GOLGA1: variants seen among roughly 807,000 people sequenced by gnomAD.
GOLGA1 encodes golgin subfamily A member 1.
A neutral mutation model predicts 119.7 loss-of-function variants in GOLGA1; 63 were observed. That is an observed-to-expected ratio of 0.53 (90% CI 0.43 to 0.65). The LOEUF (loss-of-function observed/expected upper bound fraction) is 0.65. GOLGA1 is among the 30% of genes least tolerant of loss of function. GOLGA1 has a pLI of 0.00. For missense variants in GOLGA1, 798 were observed against 912.8 expected (o/e 0.87, Z 1.62); for synonymous variants, 318 against 333.4 (o/e 0.95, Z 0.50).
In GOLGA1 at chr9:124,890,421, C is replaced by T. The variant is rs765213836; in HGVS notation, c.1465G>A (p.Val489Met). The change falls in exon 16 of 23, where the codon GTG becomes ATG. Residue 489 changes from valine to methionine, a missense_variant. Transcript: ENST00000373555. ...TGGAACTCTTCCCTTTGCTTCCGCA[C>T]CTCCTCCAGGGCTTGAGCCATGGCC... ...SVAMAQALEE[V>M]RKQREEFQQQ... 3.7e-6 allele frequency: 6 copies of T among 1,613,664 alleles called. No homozygotes were observed. The African/African-American group carries it at 5.3e-5, about 14-fold the overall frequency.
chr9:124,902,708 C>T (rs1830136436), intron 12 of GOLGA1, among the ~76,000 whole-genome samples: 1 of 151,976 alleles, frequency 6.6e-6, no homozygotes, highest in Non-Finnish European at 1.5e-5. Flanking sequence ...CCAGGATGGT[C>T]TCGATCTCCT....
intron 20 of GOLGA1, 24 bp downstream of exon 20, chr9:124,882,486 G>GC: frequency 6.3e-7 from 1 of 1,585,102 alleles, no homozygotes; most frequent in Non-Finnish European, 8.7e-7. Context: ...GGGAAGTGGG[G>GC]CCAGCTCCCA....
intron 4 of GOLGA1, among the ~76,000 whole-genome samples, chr9:124,929,981 TA>T (rs1830744204): frequency 6.6e-6 from 1 of 152,182 alleles, no homozygotes; most frequent in Non-Finnish European, 1.5e-5. Flanking sequence ...CTTCATATAT[TA>T]AATGATGATA....
chr9:124,887,338 CAG>C (rs1491413704), intron 19 of GOLGA1: 1 of 151,584 alleles, frequency 6.6e-6, no homozygotes, highest in African/African-American at 2.5e-5. Context: ...GAGTGACTGA[CAG>C]GGCTGGGAGG....
intron 15 of GOLGA1, among the ~76,000 whole-genome samples, chr9:124,897,722 A>G (rs983420051): frequency 6.6e-5 from 10 of 152,232 alleles, no homozygotes; most frequent in Non-Finnish European, 1.3e-4. Flanking sequence ...AATGCATGAA[A>G]AAAAAATCTG....
chr9:124,907,832 G>A (rs1830263825), intron 12 of GOLGA1, among the ~76,000 whole-genome samples: 1 of 152,200 alleles, frequency 6.6e-6, no homozygotes, highest in South Asian at 2.1e-4. Flanking sequence ...GGCATATATA[G>A]GAACGCTCAT....
intron 10 of GOLGA1, among the ~76,000 whole-genome samples, chr9:124,914,506 A>G (rs1830402780): frequency 1.3e-5 from 2 of 152,118 alleles, no homozygotes; most frequent in African/African-American, 4.8e-5. Flanking sequence ...TCTCAAAGAA[A>G]AAAAAAAAGG....
rs1240365740 is a variant in GOLGA1 at position 124,921,688 on chromosome 9, C to A, written c.731+35G>T. The A allele has an allele frequency of 3.2e-6, 5 of 1,550,402 alleles. No homozygotes were observed. The Admixed American group carries it at 7.3e-5, about 23-fold the overall frequency. On this transcript the variant is annotated intron_variant, in intron 9 of 22. Coordinates refer to ENST00000373555, the MANE Select transcript of GOLGA1 (RefSeq NM_002077.4). The stretch of plus-strand genomic sequence containing the variant: ...GGCTATAGCCAGAACTACACTAACA[C>A]CTCTTCCCAAGGGCCCCACAGACCA...
At chr9:124,882,706 G>C (rs1829618688) in intron 19 of GOLGA1, 137 bp from the exon 20 acceptor site, 2 of 687,528 alleles carry the variant, frequency 2.9e-6, no homozygotes, top group East Asian at 2.7e-5. Flanking sequence ...TGAGAGGCTG[G>C]TGCTCAGCTG....
At chr9:124,915,308 T>A (rs531439374) in intron 10 of GOLGA1, among the ~76,000 whole-genome samples, 1 of 152,330 alleles carries the variant, frequency 6.6e-6, no homozygotes, top group African/African-American at 2.4e-5. Flanking sequence ...AAAGGGTAGT[T>A]GTGAGGACTC....
intron 14 of GOLGA1, 105 bp downstream of exon 14, chr9:124,899,224 G>T (rs1830045932): frequency 8.9e-6 from 9 of 1,016,182 alleles, no homozygotes; most frequent in African/African-American, 3.2e-5. Flanking sequence ...CTTCTAAAGT[G>T]GTTTCCTAGT....
Position 124,890,433 on chromosome 9 carries a change from C to T in GOLGA1, c.1453G>A (p.Ala485Thr). 6.2e-7 allele frequency: 1 copy of T among 1,614,048 alleles called. No homozygotes were observed. The highest frequency in any genetic ancestry group is 8.5e-7 in the Non-Finnish European group (1 of 1,179,868). Reference protein sequence around the residue: ...REIVSVAMAQALEEVRKQREE... With the variant: ...REIVSVAMAQTLEEVRKQREE... ...CTTTGCTTCCGCACCTCCTCCAGGG[C>T]TTGAGCCATGGCCACGCTCACAATT... The change falls in exon 16 of 23, where the codon GCC (alanine) becomes ACC (threonine). Residue 485 changes from alanine to threonine, a missense_variant. Physicochemically the swap from Ala to Thr is moderately conservative, Grantham distance 58. Transcript: ENST00000373555.
chr9:124,906,520 C>G (rs1412110942), intron 12 of GOLGA1, among the ~76,000 whole-genome samples: 2 of 152,092 alleles, frequency 1.3e-5, no homozygotes, highest in Admixed American at 6.5e-5. Context: ...GAGGCCAAGG[C>G]AGGCGGATCA....
In GOLGA1 at chr9:124,881,747, G is replaced by A; in HGVS notation, c.2136+37C>T. On this transcript the variant is annotated intron_variant, in intron 21 of 22. Coordinates refer to ENST00000373555, the MANE Select transcript of GOLGA1 (RefSeq NM_002077.4). This position sits in a 1 kb window ranked among gnomAD's most constrained non-coding sequence, Gnocchi z 4.9. ...CCTGCAGGACAGACTGTAGGGCGGG[G>A]CCTCAATACCCAAAAGACACCTCAA... is the stretch of plus-strand genomic sequence containing the variant. The A allele has an allele frequency of 6.9e-7, 1 of 1,456,216 alleles. No individual in the cohort carries two copies. The highest frequency in any genetic ancestry group is 9.5e-7 in the Non-Finnish European group (1 of 1,053,286). The allele number at this position is 1,456,216 out of a possible 1,614,324, so 90.2% of individuals were successfully genotyped here.
intron 8 of GOLGA1, among the ~76,000 whole-genome samples, chr9:124,922,782 A>G (rs1416351713): frequency 6.6e-6 from 1 of 152,046 alleles, no homozygotes; most frequent in African/African-American, 2.4e-5. Flanking sequence ...TCTATTTAAA[A>G]AAAAAAATGT....
At chr9:124,883,214 C>G in intron 19 of GOLGA1, among the ~76,000 whole-genome samples, 1 of 151,908 alleles carries the variant, frequency 6.6e-6, no homozygotes, top group African/African-American at 2.4e-5. Flanking sequence ...ATTCTCCTGC[C>G]TCAGGCTCTA....
intron 12 of GOLGA1, 86 bp downstream of exon 12, chr9:124,908,291 G>T: frequency 1.3e-6 from 1 of 779,976 alleles, no homozygotes; most frequent in South Asian, 1.4e-5. Flanking sequence ...AAAAAACTCT[G>T]ACCAAGAAGA....
rs545327628 is a variant in GOLGA1, at chr9:124,889,069, G to A, written c.1761+74C>T. On this transcript the variant is annotated intron_variant, in intron 18 of 22. Coordinates refer to ENST00000373555, the MANE Select transcript of GOLGA1 (RefSeq NM_002077.4). Reference sequence around the variant, plus strand: ...GTGTCCACCATGTGTCCCCACTGCTGCCTCCTTAGGGGCACTCTCGGCACC... The same window carrying A: ...GTGTCCACCATGTGTCCCCACTGCTACCTCCTTAGGGGCACTCTCGGCACC... 10 of 1,221,204 alleles carry A rather than the reference G, an allele frequency of 8.2e-6. No homozygotes were observed. The South Asian group carries it at 1.4e-4, about 17-fold the overall frequency. 75.6% of individuals were successfully genotyped at this position (1,221,204 alleles called of 1,614,324 possible). A position where few individuals can be genotyped will look rare whatever the true frequency, so the allele number is the denominator to read the frequency against.
rs77178094 is a variant in GOLGA1 at position 124,939,527 on chromosome 9, C to T, written c.-156+579G>A. ...GTTTTGAGTTTGATAAAATTACCTC[C>T]AATGAGTTTATTTTCTTTCTTTCTT... is the stretch of plus-strand genomic sequence containing the variant. On this transcript the variant is annotated intron_variant, in intron 2 of 22. Transcript: ENST00000373555. Among the ~76,000 whole-genome samples the T allele has an allele frequency of 3.3e-3, 488 of 146,896 alleles. 5 individuals carry two copies. Among genetic ancestry groups the T allele is most frequent in the Middle Eastern group, 7.1e-3 (2 of 280 alleles).
Sources: gnomAD v4.1 joint callset for allele counts (sites outside exome capture counted in the v4.1 genomes callset) on GRCh38, gnomAD v4.1.1 for gene constraint, Gnocchi (gnomAD v3.1) non-coding constraint, MANE v1.5 for transcripts, NCBI Gene and HGNC (gene_info 2026-07-23, HGNC 2026-07-21) for gene names.